Variants in LRMDA observed in about 807,000 individuals in gnomAD.
The protein encoded by LRMDA is leucine-rich melanocyte differentiation-associated protein.
LRMDA carries 18 observed loss-of-function variants against 29.8 expected under a neutral mutation model. That is an observed-to-expected ratio of 0.60 (90% CI 0.42 to 0.90). LRMDA has a LOEUF of 0.90. LRMDA is among the 40% of genes least tolerant of loss of function. LRMDA has a pLI of 0.00. For synonymous variants in LRMDA, 125 were observed against 109.4 expected (o/e 1.14, Z -0.89); for missense variants, 273 against 273.9 (o/e 1.00, Z 0.02).
chr10:75,486,325 A>C (rs1008884092), intron 2 of LRMDA, among the ~76,000 whole-genome samples: 9 of 152,310 alleles, frequency 5.9e-5, no homozygotes, highest in Admixed American at 5.9e-4. Flanking sequence ...AATCTATCAG[A>C]TATCCTGATG....
At chr10:76,194,121 C>T (rs1449468249) in intron 5 of LRMDA, among the ~76,000 whole-genome samples, 1 of 152,140 alleles carries the variant, frequency 6.6e-6, no homozygotes, top group Non-Finnish European at 1.5e-5. Flanking sequence ...TACCACTGGG[C>T]TAAGAGGTAT....
intron 2 of LRMDA, among the ~76,000 whole-genome samples, chr10:76,026,355 G>T (rs1848062620): frequency 6.6e-6 from 1 of 152,198 alleles, no homozygotes; most frequent in Non-Finnish European, 1.5e-5. Context: ...AATGTGGCCT[G>T]GTGACTCATG....
intron 2 of LRMDA, among the ~76,000 whole-genome samples, chr10:75,634,586 G>A (rs1003479927): frequency 6.6e-6 from 1 of 152,132 alleles, no homozygotes; most frequent in Non-Finnish European, 1.5e-5. Flanking sequence ...CGCCCCAGTG[G>A]GCATTTGAGC....
intron 6 of LRMDA, 50 bp downstream of exon 6, chr10:76,324,535 T>G (rs1564724371): frequency 6.5e-7 from 1 of 1,539,166 alleles, no homozygotes; most frequent in Non-Finnish European, 9.0e-7. Context: ...GAGGGACACT[T>G]GGCTGTGCAG....
intron 2 of LRMDA, among the ~76,000 whole-genome samples, chr10:75,549,767 A>T (rs991279605): frequency 4.6e-5 from 7 of 152,172 alleles, no homozygotes; most frequent in Admixed American, 3.3e-4. Context: ...TATCGCCATA[A>T]AAAGTTTCCT....
At chr10:76,426,908 A>G (rs1227589824) in intron 6 of LRMDA, among the ~76,000 whole-genome samples, 1 of 152,002 alleles carries the variant, frequency 6.6e-6, no homozygotes, top group Non-Finnish European at 1.5e-5. Context: ...AAGATCAGAG[A>G]GTTGTAGATG....
Position 76,408,032 on chromosome 10 carries a change from C to T in LRMDA, c.601+83547C>T, listed in dbSNP as rs149728227. ...AAATCATAGCCAAGAACGCAAGTTT[C>T]CCTACTCCTCCCAGTGTTATCTCAA... On this transcript the variant is annotated intron_variant, in intron 6 of 6. Transcript: ENST00000611255. Among the ~76,000 whole-genome samples the T allele has an allele frequency of 1.1e-3, 174 of 152,254 alleles. 5 individuals are homozygous for T. The South Asian group carries it at 0.028, about 24-fold the overall frequency.
chr10:75,744,029 T>C (rs1842862674), intron 2 of LRMDA, among the ~76,000 whole-genome samples: 1 of 152,204 alleles, frequency 6.6e-6, no homozygotes, highest in South Asian at 2.1e-4. Flanking sequence ...GTTGAAACAG[T>C]TGGGCCCCAT....
chr10:75,991,218 A>G (rs1847364442), intron 2 of LRMDA, among the ~76,000 whole-genome samples: 1 of 152,214 alleles, frequency 6.6e-6, no homozygotes, highest in Non-Finnish European at 1.5e-5. Flanking sequence ...GTGTGTGTGC[A>G]TAATTGCTGG....
At chr10:75,487,974 A>G (rs773512726) in intron 2 of LRMDA, among the ~76,000 whole-genome samples, 5 of 152,146 alleles carry the variant, frequency 3.3e-5, no homozygotes, top group Non-Finnish European at 5.9e-5. Flanking sequence ...GGCACAGACT[A>G]ATTTCTCTGT....
chr10:75,721,118 G>A (rs1842561828), intron 2 of LRMDA, among the ~76,000 whole-genome samples: 2 of 152,268 alleles, frequency 1.3e-5, no homozygotes, highest in South Asian at 4.1e-4. Flanking sequence ...ATTTTGTTCT[G>A]GCTCCAATCT....
intron 6 of LRMDA, among the ~76,000 whole-genome samples, chr10:76,553,009 A>T (rs942067125): frequency 6.6e-6 from 1 of 152,222 alleles, no homozygotes; most frequent in Non-Finnish European, 1.5e-5. Flanking sequence ...CATGGAAAAG[A>T]TAAAGGGCCT....
At chr10:75,961,574 C>T (rs1228366779) in intron 2 of LRMDA, among the ~76,000 whole-genome samples, 3 of 152,144 alleles carry the variant, frequency 2.0e-5, no homozygotes, top group Non-Finnish European at 4.4e-5. Flanking sequence ...CCTGAAGCAT[C>T]GACTTTGAAA....
intron 6 of LRMDA, among the ~76,000 whole-genome samples, chr10:76,410,296 T>TTC (rs1841945400): frequency 7.0e-5 from 10 of 142,116 alleles, no homozygotes; most frequent in Non-Finnish European, 1.4e-4. Context: ...ATCACTTTCT[T>TTC]TCTTTTTTTT....
chr10:75,909,377 T>G (rs547366604), intron 2 of LRMDA, among the ~76,000 whole-genome samples: 15 of 152,330 alleles, frequency 9.8e-5, no homozygotes, highest in African/African-American at 3.4e-4. Flanking sequence ...AACAGGAGCC[T>G]CTAGGCTCAT....
chr10:76,278,115 C>G (rs929470941), intron 5 of LRMDA, among the ~76,000 whole-genome samples: 1 of 152,098 alleles, frequency 6.6e-6, no homozygotes, highest in Non-Finnish European at 1.5e-5. Context: ...GAGAATTTTT[C>G]GGATTTTGCA....
chr10:76,006,983 CGTGTGTGTGTGTGTGTGTGTGT>C (rs572881040), intron 2 of LRMDA, among the ~76,000 whole-genome samples: 3,858 of 116,188 alleles, frequency 0.033, 68 homozygotes, highest in Middle Eastern at 0.048. Context: ...ATGGAGAAGG[CGTGTGTGTGTGTGTGTGTGTGT>C]GTGTGTGTGT....
chr10:76,181,908 G>A (rs1851056703), intron 5 of LRMDA, among the ~76,000 whole-genome samples: 1 of 152,102 alleles, frequency 6.6e-6, no homozygotes, highest in Non-Finnish European at 1.5e-5. Flanking sequence ...TTATTAGATG[G>A]GGCTGAGTTT....
chr10:75,479,505 TAA>T lies in LRMDA; in HGVS notation c.131+41028_131+41029del, dbSNP rs11359674. Among the ~76,000 whole-genome samples, 1,051 of 131,348 alleles carry T rather than the reference TAA, an allele frequency of 8.0e-3. 9 individuals are homozygous for T. The highest frequency in any genetic ancestry group is 0.021 in the African/African-American group (733 of 34,760). The allele number at this position is 131,348 out of a possible 152,430, so 86.2% of individuals were successfully genotyped here. A position where few individuals can be genotyped will look rare whatever the true frequency, so the allele number is the denominator to read the frequency against. On this transcript the variant is annotated intron_variant, in intron 2 of 6. Coordinates refer to ENST00000611255, the MANE Select transcript of LRMDA (RefSeq NM_001305581.2). The stretch of plus-strand genomic sequence containing the variant: ...CTGGGCAACAGAGTGAGACTCTGTC[TAA>T]AAAAAAAAAAAAAAAAGTACACGCA...
Sources: gnomAD v4.1 joint callset for allele counts (sites outside exome capture counted in the v4.1 genomes callset) on GRCh38, gnomAD v4.1.1 for gene constraint, MANE v1.5 for transcripts, NCBI Gene and HGNC (gene_info 2026-07-23, HGNC 2026-07-21) for gene names.